Variants in RAI14 observed in about 807,000 individuals in gnomAD.
RAI14 encodes the protein ankycorbin.
RAI14 carries 45 observed loss-of-function variants against 115.4 expected under a neutral mutation model. That is an observed-to-expected ratio of 0.39 (90% confidence interval 0.31 to 0.50). The LOEUF is 0.50. RAI14 is among the 20% of genes least tolerant of loss of function. The probability of loss-of-function intolerance (pLI) is 0.85; values close to 1 mark genes in which losing one functional copy is unlikely to be tolerated. For synonymous variants in RAI14, 371 were observed against 415.4 expected (o/e 0.89, Z 1.30); for missense variants, 939 against 1,131.2 (o/e 0.83, Z 2.44).
intron 2 of RAI14, among the ~76,000 whole-genome samples, chr5:34,743,798 A>T (rs1428208933): frequency 1.3e-5 from 2 of 152,226 alleles, no homozygotes; most frequent in Non-Finnish European, 2.9e-5. Context: ...AAGGGTGTGT[A>T]TGGGGCGGGG....
intron 3 of RAI14, among the ~76,000 whole-genome samples, chr5:34,770,559 C>A (rs1480882249): frequency 6.6e-6 from 1 of 152,130 alleles, no homozygotes; most frequent in Non-Finnish European, 1.5e-5. Context: ...GCGAATAAAC[C>A]TGGAGAAGGA....
chr5:34,830,968 G>A lies in RAI14; in HGVS notation c.*203G>A, dbSNP rs894496915. The A allele has an allele frequency of 6.8e-6, 6 of 880,094 alleles. No individual in the cohort carries two copies. Among genetic ancestry groups the A allele is most frequent in the Non-Finnish European group, 9.6e-6 (6 of 622,304 alleles). The allele number at this position is 880,094 out of a possible 1,614,324, so 54.5% of individuals were successfully genotyped here. ...TGCTTAGAGACTTCAAACCAGCAGAGGTGAAAGTCCCTGTCATCCCTTCAG... is the reference window on the plus strand; with the variant it reads ...TGCTTAGAGACTTCAAACCAGCAGAAGTGAAAGTCCCTGTCATCCCTTCAG... On this transcript the variant is annotated 3_prime_UTR_variant, in exon 18 of 18. Coordinates refer to ENST00000265109, the MANE Select transcript of RAI14 (RefSeq NM_015577.3).
intron 14 of RAI14, among the ~76,000 whole-genome samples, chr5:34,822,121 CAA>C (rs1192057751): frequency 6.8e-6 from 1 of 147,832 alleles, no homozygotes; most frequent in African/African-American, 2.5e-5. Flanking sequence ...ATAAATAAAA[CAA>C]AATTTATAGA....
intron 3 of RAI14, among the ~76,000 whole-genome samples, chr5:34,758,197 G>A (rs1748148795): frequency 1.3e-5 from 2 of 152,192 alleles, no homozygotes; most frequent in African/African-American, 2.4e-5. Context: ...TATCACTTAC[G>A]AGTTGTGTAA....
chr5:34,821,114 C>T (rs543460440), intron 13 of RAI14, among the ~76,000 whole-genome samples: 34 of 152,270 alleles, frequency 2.2e-4, no homozygotes, highest in African/African-American at 8.2e-4. Context: ...GGAGCCAAAT[C>T]ATAGAGGCCT....
At chr5:34,672,661 C>T (rs1271070274) in intron 1 of RAI14, among the ~76,000 whole-genome samples, 2 of 152,130 alleles carry the variant, frequency 1.3e-5, no homozygotes, top group Admixed American at 6.6e-5. Flanking sequence ...GCTGGCATGG[C>T]CCCTGGGGAG....
rs1757961503 is a variant in RAI14 at position 34,830,775 on chromosome 5, C to T, written c.*10C>T. The T allele has an allele frequency of 6.2e-7, 1 of 1,613,936 alleles. No homozygotes were observed. The highest frequency in any genetic ancestry group is 8.5e-7 in the Non-Finnish European group (1 of 1,179,886). ...GTCTCAAAAGAAGTAAAGTGGATTCCTTGGCAGGACACTGCCCCTTGTCAT... is the reference window on the plus strand; with the variant it reads ...GTCTCAAAAGAAGTAAAGTGGATTCTTTGGCAGGACACTGCCCCTTGTCAT... On this transcript the variant is annotated 3_prime_UTR_variant, in exon 18 of 18. Transcript: ENST00000265109.
chr5:34,732,439 ATTT>A (rs369302342), intron 2 of RAI14, among the ~76,000 whole-genome samples: 44,264 of 133,810 alleles, frequency 0.33, 6,712 homozygotes, highest in South Asian at 0.39. Flanking sequence ...ACCATGCTTG[ATTT>A]TTTTTTTTTT....
intron 8 of RAI14, among the ~76,000 whole-genome samples, chr5:34,811,566 G>T (rs1164452614): frequency 7.0e-6 from 1 of 143,558 alleles, no homozygotes. Flanking sequence ...TTAATGTTTT[G>T]ATTTAATCTG....
intron 2 of RAI14, among the ~76,000 whole-genome samples, chr5:34,715,378 T>G (rs1199839815): frequency 6.6e-6 from 1 of 152,170 alleles, no homozygotes; most frequent in Non-Finnish European, 1.5e-5. Flanking sequence ...TGGGTCCAGT[T>G]GGTCTTAGCC....
chr5:34,725,178 G>T (rs1211814588), intron 2 of RAI14, among the ~76,000 whole-genome samples: 1 of 152,040 alleles, frequency 6.6e-6, no homozygotes, highest in African/African-American at 2.4e-5. Flanking sequence ...TCTCTAAAAG[G>T]GATTGGAATT....
intron 15 of RAI14, among the ~76,000 whole-genome samples, 200 bp downstream of exon 15, chr5:34,824,691 C>G (rs1561092339): frequency 6.6e-6 from 1 of 152,134 alleles, no homozygotes; most frequent in Non-Finnish European, 1.5e-5. Flanking sequence ...CGCTTATAAT[C>G]CCAGCACTTT....
chr5:34,726,532 C>T (rs1482333031), intron 2 of RAI14, among the ~76,000 whole-genome samples: 1 of 152,184 alleles, frequency 6.6e-6, no homozygotes, highest in African/African-American at 2.4e-5. Flanking sequence ...TCCCCTAACA[C>T]TGGGAATTAC....
intron 3 of RAI14, among the ~76,000 whole-genome samples, chr5:34,767,187 G>T (rs1441740475): frequency 1.3e-5 from 2 of 152,120 alleles, no homozygotes; most frequent in Non-Finnish European, 2.9e-5. Context: ...TTTCAAAGTT[G>T]GATTAAGTAT....
At chr5:34,803,606 G>A in intron 4 of RAI14, 106 bp from the exon 5 acceptor site, 1 of 947,386 alleles carries the variant, frequency 1.1e-6, no homozygotes, top group Non-Finnish European at 1.6e-6. Context: ...GTCTTTTTTG[G>A]ATAACAACCT....
At chr5:34,734,745 T>C (rs1227519981) in intron 2 of RAI14, among the ~76,000 whole-genome samples, 1 of 151,982 alleles carries the variant, frequency 6.6e-6, no homozygotes, top group Non-Finnish European at 1.5e-5. Flanking sequence ...CACTGCAAGC[T>C]CCGCCTCCCA....
At position 34,745,575 on chromosome 5, in the gene RAI14, C is replaced by G. The variant is rs375387482; in HGVS notation, c.37-11893C>G. ...TGCAGGTACTCTCTCACTGCCACTT[C>G]TCACCCTTTGACCCTGGAATCTCTG... On this transcript the variant is annotated intron_variant, in intron 2 of 17. Coordinates refer to ENST00000265109, the MANE Select transcript of RAI14 (RefSeq NM_015577.3). Among the ~76,000 whole-genome samples, 5 of 152,320 alleles carry G rather than the reference C, an allele frequency of 3.3e-5. No homozygotes were observed. The South Asian group carries it at 1.0e-3, about 32-fold the overall frequency.
intron 1 of RAI14, among the ~76,000 whole-genome samples, chr5:34,666,572 A>T (rs1481514889): frequency 3.3e-5 from 5 of 152,310 alleles, no homozygotes; most frequent in Non-Finnish European, 7.4e-5. Context: ...AGTATTGTGC[A>T]TGGGGGAAGG....
intron 1 of RAI14, among the ~76,000 whole-genome samples, chr5:34,680,261 C>G (rs1744291539): frequency 6.6e-6 from 1 of 152,286 alleles, no homozygotes; most frequent in South Asian, 2.1e-4. Context: ...GTACCAGAGA[C>G]TGGGTAATTT....
Sources: allele counts gnomAD v4.1 joint callset (sites outside exome capture counted in the v4.1 genomes callset), GRCh38; gene constraint gnomAD v4.1.1; transcripts MANE v1.5; gene names NCBI Gene and HGNC (gene_info 2026-07-23, HGNC 2026-07-21).